The following FER variants were observed in gnomAD, a reference collection of about 807,000 sequenced individuals.
FER encodes FER tyrosine kinase, also known as tyrosine-protein kinase Fer.
In FER, 63 loss-of-function variants were observed where a neutral mutation model predicts 111.0. The observed-to-expected ratio is 0.57, with a 90% confidence interval of 0.46 to 0.70. FER has a LOEUF of 0.70. FER is among the 30% of genes least tolerant of loss of function. The pLI, the probability that FER is intolerant of heterozygous loss-of-function variation, is 0.00. For synonymous variants in FER, 327 were observed against 313.9 expected (o/e 1.04, Z -0.44); for missense variants, 914 against 954.0 (o/e 0.96, Z 0.55).
intron 7 of FER, 72 bp from the exon 8 acceptor site, chr5:108,872,021 C>A (rs1764649145): frequency 2.2e-6 from 3 of 1,390,834 alleles, no homozygotes; most frequent in South Asian, 1.4e-5. Flanking sequence ...AATATTCTGC[C>A]TTTAGTGTAT....
chr5:108,773,873 TTAA>T (rs1225479800), intron 2 of FER, among the ~76,000 whole-genome samples: 2 of 152,226 alleles, frequency 1.3e-5, no homozygotes, highest in African/African-American at 2.4e-5. Context: ...TTTTGACTTT[TTAA>T]TAATAACCAT....
chr5:108,907,303 C>CT (rs1446225209), intron 10 of FER, among the ~76,000 whole-genome samples: 22 of 149,420 alleles, frequency 1.5e-4, no homozygotes, highest in Non-Finnish European at 2.2e-4. Context: ...CTTTTCTTTT[C>CT]TTTTTTTTTG....
intron 10 of FER, among the ~76,000 whole-genome samples, chr5:108,903,762 A>G (rs1165859050): frequency 3.9e-5 from 6 of 152,180 alleles, no homozygotes; most frequent in Non-Finnish European, 1.5e-5. Flanking sequence ...TTAAGTATGA[A>G]TTGTAGATTT....
intron 16 of FER, among the ~76,000 whole-genome samples, chr5:109,069,439 G>A (rs1417219299): frequency 2.0e-5 from 3 of 152,222 alleles, no homozygotes; most frequent in Middle Eastern, 3.4e-3. Context: ...AGATGGATAC[G>A]AATGAATAGA....
intron 9 of FER, among the ~76,000 whole-genome samples, chr5:108,893,696 C>G (rs541772809): frequency 6.6e-6 from 1 of 151,618 alleles, no homozygotes; most frequent in Non-Finnish European, 1.5e-5. Context: ...GGCTGAATGA[C>G]GAACAGCAAC....
intron 1 of FER, among the ~76,000 whole-genome samples, chr5:108,749,298 C>T (rs1580351887): frequency 6.6e-6 from 1 of 152,252 alleles, no homozygotes; most frequent in East Asian, 1.9e-4. Flanking sequence ...CCGCCCCTCC[C>T]ACCATCCCGG....
chr5:108,907,288 C>CTTTT (rs1383553554), intron 10 of FER, among the ~76,000 whole-genome samples: 1 of 151,428 alleles, frequency 6.6e-6, no homozygotes, highest in East Asian at 1.9e-4. Flanking sequence ...TAGCCAACTT[C>CTTTT]TTTTCTTTTC....
At chr5:108,813,254 T>G (rs2150082713) in intron 3 of FER, among the ~76,000 whole-genome samples, 1 of 152,294 alleles carries the variant, frequency 6.6e-6, no homozygotes, top group South Asian at 2.1e-4. Flanking sequence ...CTTACTTGTG[T>G]TGTTTCTCAT....
intron 18 of FER, among the ~76,000 whole-genome samples, chr5:109,181,886 C>T (rs1204330967): frequency 1.3e-5 from 2 of 152,158 alleles, no homozygotes; most frequent in Non-Finnish European, 2.9e-5. Flanking sequence ...ACCCTGTCAC[C>T]AATAAGCATC....
At position 109,102,303 on chromosome 5, in the gene FER, A is replaced by G. The variant is rs139926309; in HGVS notation, c.2048+1784A>G. On this transcript the variant is annotated intron_variant, in intron 17 of 19. Transcript: ENST00000281092. Reference sequence around the variant, plus strand: ...ATCCTAGCAGGTTGTGCATAGACCTATGCCATTTGCCTACTGGGAAGGTTT... The same window carrying G: ...ATCCTAGCAGGTTGTGCATAGACCTGTGCCATTTGCCTACTGGGAAGGTTT... Among the ~76,000 whole-genome samples, 270 of 152,222 alleles carry G rather than the reference A, an allele frequency of 1.8e-3. 1 individual carries two copies. The highest frequency in any genetic ancestry group is 4.3e-3 in the Admixed American group (66 of 15,272).
chr5:109,144,219 G>T (rs1468305428), intron 17 of FER, among the ~76,000 whole-genome samples: 1 of 151,996 alleles, frequency 6.6e-6, no homozygotes, highest in Non-Finnish European at 1.5e-5. Flanking sequence ...TTTACCAATA[G>T]GTTTTTTTAA....
intron 2 of FER, among the ~76,000 whole-genome samples, chr5:108,780,504 T>C (rs115416110): frequency 1.3e-3 from 199 of 152,124 alleles, no homozygotes; most frequent in African/African-American, 4.3e-3. Flanking sequence ...CTTTGATAGG[T>C]AATGTCTTTT....
chr5:108,748,684 G>C (rs1750050857), intron 1 of FER: 1 of 152,358 alleles, frequency 6.6e-6, no homozygotes. Context: ...CCACTCCCAG[G>C]GCCCGCAGCT....
At chr5:108,845,015 T>TATATATATATATAC (rs1761793050) in intron 5 of FER, among the ~76,000 whole-genome samples, 1 of 52,560 alleles carries the variant, frequency 1.9e-5, no homozygotes, top group African/African-American at 6.3e-5. Flanking sequence ...TATATATATA[T>TATATATATATATAC]ATATATATAT....
chr5:108,781,252 A>G (rs1164681374), intron 2 of FER, among the ~76,000 whole-genome samples: 1 of 152,062 alleles, frequency 6.6e-6, no homozygotes, highest in Non-Finnish European at 1.5e-5. Context: ...GTGCAGTGGT[A>G]TGATCTTGGC....
chr5:108,775,789 T>C (rs1224357242), intron 2 of FER, among the ~76,000 whole-genome samples: 1 of 152,214 alleles, frequency 6.6e-6, no homozygotes, highest in African/African-American at 2.4e-5. Flanking sequence ...CATATGTTAA[T>C]TGGTAATGAA....
chr5:108,751,880 A>G (rs1750547861), intron 1 of FER, among the ~76,000 whole-genome samples: 1 of 152,132 alleles, frequency 6.6e-6, no homozygotes, highest in Non-Finnish European at 1.5e-5. Context: ...TAATTTTTCT[A>G]TACCCGAGAA....
At chr5:109,141,532 G>C (rs1164782030) in intron 17 of FER, among the ~76,000 whole-genome samples, 1 of 152,208 alleles carries the variant, frequency 6.6e-6, no homozygotes, top group East Asian at 1.9e-4. Flanking sequence ...ACATGAAAAT[G>C]TTAGGAGCTT....
intron 8 of FER, among the ~76,000 whole-genome samples, chr5:108,874,914 A>C (rs943402729): frequency 6.6e-6 from 1 of 152,166 alleles, no homozygotes; most frequent in Non-Finnish European, 1.5e-5. Flanking sequence ...ACAGATATAT[A>C]AGCCCTCTTA....
Sources: gnomAD v4.1 joint callset for allele counts (sites outside exome capture counted in the v4.1 genomes callset) on GRCh38, gnomAD v4.1.1 for gene constraint, MANE v1.5 for transcripts, NCBI Gene and HGNC (gene_info 2026-07-23, HGNC 2026-07-21) for gene names.